THRAP3: variants seen among roughly 807,000 people sequenced by gnomAD.
THRAP3 encodes the protein thyroid hormone receptor-associated protein 3.
Under a neutral mutation model 101.0 loss-of-function variants are expected in THRAP3, and 16 were observed. The observed-to-expected ratio is 0.16, with a 90% CI of 0.11 to 0.24. THRAP3 has a LOEUF of 0.24. Ranked by LOEUF, THRAP3 falls within the 10% of genes least tolerant of loss-of-function variation. The probability of loss-of-function intolerance (pLI) is 1.00; values close to 1 mark genes in which losing one functional copy is unlikely to be tolerated. For synonymous variants in THRAP3, 407 were observed against 422.6 expected (o/e 0.96, Z 0.45); for missense variants, 989 against 1,202.7 (o/e 0.82, Z 2.63).
At chr1:36,258,647 G>A (rs1300247377) in intron 1 of THRAP3, among the ~76,000 whole-genome samples, 1 of 152,000 alleles carries the variant, frequency 6.6e-6, no homozygotes, top group Non-Finnish European at 1.5e-5. Context: ...GGCTAATTTT[G>A]TTTTTGTATT....
chr1:36,264,487 A>G (rs1182190445), intron 2 of THRAP3, among the ~76,000 whole-genome samples: 1 of 152,236 alleles, frequency 6.6e-6, no homozygotes, highest in Non-Finnish European at 1.5e-5. Context: ...AACCTGGCCC[A>G]GTATTACAAA....
chr1:36,228,180 T>A (rs1348257496), intron 1 of THRAP3, among the ~76,000 whole-genome samples: 2 of 151,854 alleles, frequency 1.3e-5, no homozygotes, highest in East Asian at 1.9e-4. Context: ...CCTGAGTAGC[T>A]GGGATTACAG....
chr1:36,246,316 T>TCTGCCTCCTGGGTTCAAGCAATTCTC (rs1645229941), intron 1 of THRAP3, among the ~76,000 whole-genome samples: 1 of 152,200 alleles, frequency 6.6e-6, no homozygotes, highest in East Asian at 1.9e-4. Context: ...CACTGCAACC[T>TCTGCCTCCTGGGTTCAAGCAATTCTC]CTGCCTCCTG....
rs182426804 is a variant in THRAP3 at position 36,288,881 on chromosome 1, T to G, written c.1041-179T>G. On this transcript the variant is annotated intron_variant, in intron 4 of 11. Coordinates refer to ENST00000354618, the MANE Select transcript of THRAP3 (RefSeq NM_005119.4). ...CTCTTAATTGGCAAGTTCATAGAAC[T>G]GTGAATGGCAGTTTTCAGAAATTAT... 6.1e-6 allele frequency: 6 copies of G among 985,400 alleles called. No homozygotes were observed. In the East Asian group the frequency reaches 6.8e-4, roughly 112 times the overall value. The allele number at this position is 985,400 out of a possible 1,614,324, so 61.0% of individuals were successfully genotyped here.
intron 8 of THRAP3, 81 bp from the exon 9 acceptor site, chr1:36,296,502 A>T (rs1645952999): frequency 8.3e-7 from 1 of 1,198,060 alleles, no homozygotes; most frequent in Non-Finnish European, 1.2e-6. Flanking sequence ...CCTCCATTGG[A>T]GTAAAAACCA....
At chr1:36,257,959 G>T (rs1645396655) in intron 1 of THRAP3, among the ~76,000 whole-genome samples, 1 of 152,196 alleles carries the variant, frequency 6.6e-6, no homozygotes, top group Non-Finnish European at 1.5e-5. Context: ...TCCTGCCTCA[G>T]CCTCCCGAAT....
At chr1:36,269,317 C>G (rs1645558442) in intron 2 of THRAP3, among the ~76,000 whole-genome samples, 1 of 152,122 alleles carries the variant, frequency 6.6e-6, no homozygotes, top group African/African-American at 2.4e-5. Context: ...GAGTTAGAAG[C>G]TGCAGCCTTT....
At chr1:36,239,813 C>T (rs986561358) in intron 1 of THRAP3, among the ~76,000 whole-genome samples, 1 of 152,196 alleles carries the variant, frequency 6.6e-6, no homozygotes, top group African/African-American at 2.4e-5. Context: ...ATTGCTTTGT[C>T]ACTTCTTTCC....
In THRAP3 at chr1:36,264,392, A is replaced by T. The variant is rs116577529; in HGVS notation, c.-32+4908A>T. Among the ~76,000 whole-genome samples the T allele has an allele frequency of 3.3e-3, 500 of 152,020 alleles. 4 individuals carry two copies. Among genetic ancestry groups the T allele is most frequent in the African/African-American group, 0.012 (482 of 41,466 alleles). On this transcript the variant is annotated intron_variant, in intron 2 of 11. Transcript: ENST00000354618. The stretch of plus-strand genomic sequence containing the variant: ...TAGGTCACATTTGGAAGATGGAGAG[A>T]GTTAAGTATTTTGTCCAGGAATGGG...
chr1:36,222,110 C>T (rs915738358), upstream of THRAP3, among the ~76,000 whole-genome samples: 2 of 152,134 alleles, frequency 1.3e-5, no homozygotes, highest in Non-Finnish European at 2.9e-5. Context: ...CTGCGCCTGG[C>T]CTTGGTCTCA....
At chr1:36,270,390 G>GAC (rs766697376) in intron 2 of THRAP3, among the ~76,000 whole-genome samples, 8 of 151,504 alleles carry the variant, frequency 5.3e-5, no homozygotes, top group East Asian at 1.9e-4. Flanking sequence ...GTGAGACCCT[G>GAC]ACACACACAC....
chr1:36,268,095 A>G (rs12026040), intron 2 of THRAP3, among the ~76,000 whole-genome samples: 121,305 of 151,868 alleles, frequency 0.8, 50,012 homozygotes, highest in East Asian at 0.94. Context: ...CAGGAGAATC[A>G]CTTGAACCCA....
At chr1:36,272,764 A>T (rs1018799356) in intron 2 of THRAP3, among the ~76,000 whole-genome samples, 1 of 151,902 alleles carries the variant, frequency 6.6e-6, no homozygotes, top group Non-Finnish European at 1.5e-5. Context: ...TCCTGACTGG[A>T]TGTTGGTGGC....
chr1:36,247,763 G>A (rs778952161), intron 1 of THRAP3, among the ~76,000 whole-genome samples: 4 of 151,816 alleles, frequency 2.6e-5, no homozygotes, highest in Admixed American at 6.6e-5. Flanking sequence ...CTCTCTTGGC[G>A]ATCTTTGAAT....
chr1:36,229,854 G>T (rs1196714517), intron 1 of THRAP3, among the ~76,000 whole-genome samples: 1 of 150,866 alleles, frequency 6.6e-6, no homozygotes, highest in East Asian at 2.0e-4. Context: ...GTTTCTCCAT[G>T]TTGGTCAGGC....
At chr1:36,271,916 G>A (rs1159855035) in intron 2 of THRAP3, among the ~76,000 whole-genome samples, 2 of 151,956 alleles carry the variant, frequency 1.3e-5, no homozygotes, top group East Asian at 3.9e-4. Context: ...TTTTAATAGA[G>A]ATGGGGTTTT....
intron 1 of THRAP3, among the ~76,000 whole-genome samples, chr1:36,242,368 A>G (rs551219156): frequency 4.6e-5 from 7 of 151,062 alleles, no homozygotes; most frequent in African/African-American, 1.7e-4. Context: ...GCCCAGGTTG[A>G]TCTTGAACTC....
intron 1 of THRAP3, among the ~76,000 whole-genome samples, chr1:36,228,811 T>C (rs1319577464): frequency 2.0e-5 from 3 of 152,184 alleles, no homozygotes; most frequent in African/African-American, 7.2e-5. Context: ...AGAAACAATG[T>C]TCTAGACCAT....
chr1:36,214,784 G>A, the THRAP3 span, among the ~76,000 whole-genome samples: 7 of 151,692 alleles, frequency 4.6e-5, no homozygotes, highest in Non-Finnish European at 7.4e-5. Flanking sequence ...GCTTGAACCC[G>A]GGAGGTGGAG....
Sources: allele counts gnomAD v4.1 joint callset (sites outside exome capture counted in the v4.1 genomes callset), GRCh38; gene constraint gnomAD v4.1.1; transcripts MANE v1.5; gene names NCBI Gene and HGNC (gene_info 2026-07-23, HGNC 2026-07-21).